ARHGEF18: variants seen among roughly 807,000 people sequenced by gnomAD.
The protein encoded by ARHGEF18 is rho guanine nucleotide exchange factor 18.
In ARHGEF18, 93 loss-of-function variants were observed where a neutral mutation model predicts 155.7. That is an observed-to-expected ratio of 0.60 (90% CI 0.50 to 0.71). ARHGEF18 has a LOEUF of 0.71. ARHGEF18 is among the 30% of genes least tolerant of loss of function. ARHGEF18 has a pLI of 0.00. For missense variants in ARHGEF18, 1,593 were observed against 1,816.1 expected (o/e 0.88, Z 2.23); for synonymous variants, 742 against 753.1 (o/e 0.99, Z 0.24).
chr19:7,361,495 C>G (rs541260744), intron 1 of ARHGEF18, among the ~76,000 whole-genome samples: 1 of 152,154 alleles, frequency 6.6e-6, no homozygotes, highest in South Asian at 2.1e-4. Flanking sequence ...TTAGCATGTA[C>G]TCCAGCAATT....
Position 7,375,737 on chromosome 19 carries a change from C to CA in ARHGEF18, c.294dup (p.Ala99SerfsTer4), listed in dbSNP as rs1433105422. On this transcript the variant is annotated frameshift_variant, in exon 4 of 29. Coordinates refer to ENST00000668164, the MANE Select transcript of ARHGEF18 (RefSeq NM_001367823.1). LOFTEE classifies it high-confidence loss of function. The stretch of plus-strand genomic sequence containing the variant: ...TCCACTAGGCTCAGCCTCGATGCCT[C>CA]AGCTGTGGATGAGGAACCCTGTCTC... The CA allele has an allele frequency of 9.7e-6, 12 of 1,234,456 alleles. No homozygotes were observed. In the East Asian group the frequency reaches 3.8e-4, roughly 39 times the overall value. 76.5% of individuals were successfully genotyped at this position (1,234,456 alleles called of 1,614,324 possible). A position where few individuals can be genotyped will look rare whatever the true frequency, so the allele number is the denominator to read the frequency against.
intron 1 of ARHGEF18, among the ~76,000 whole-genome samples, chr19:7,356,544 G>C (rs60303381): frequency 0.02 from 2,996 of 152,190 alleles, 82 homozygotes; most frequent in African/African-American, 0.067. Context: ...AAAGTGCTGG[G>C]ATTATAGGTG....
At chr19:7,390,508 C>CA (rs371143469) in intron 10 of ARHGEF18, 29,064 of 93,340 alleles carry the variant, frequency 0.31, 3,673 homozygotes, top group Non-Finnish European at 0.38. Context: ...GACTCTGTAT[C>CA]AAAAAAAAAA....
At chr19:7,352,186 C>T (rs925990010) in intron 1 of ARHGEF18, among the ~76,000 whole-genome samples, 6 of 151,372 alleles carry the variant, frequency 4.0e-5, no homozygotes, top group African/African-American at 1.5e-4. Context: ...CTCCATAGAG[C>T]GTTTATTTTT....
rs116526927 is a variant in ARHGEF18, at chr19:7,373,068, G to A, written c.272G>A (p.Arg91Gln). Residue 91 changes from arginine (R) to glutamine (Q), a missense_variant, in exon 3 of 29, where the codon CGG (arginine) becomes CAG (glutamine). Arg to Gln is a conservative substitution (Grantham distance 43). Coordinates refer to ENST00000668164, the MANE Select transcript of ARHGEF18 (RefSeq NM_001367823.1). ...ERSRSCSESW[R>Q]RLSLDASAVD... ...TCGCGGAGCTGCTCAGAGAGCTGGC[G>A]GAGGTCAGTTCCCCACTGCTGCCTG... The A allele has an allele frequency of 2.5e-3, 3,052 of 1,234,492 alleles. 47 individuals carry two copies. The African/African-American group carries it at 0.037, about 15-fold the overall frequency. 76.5% of individuals were successfully genotyped at this position (1,234,492 alleles called of 1,614,324 possible).
At chr19:7,478,511 C>T in the ARHGEF18 span, 3 of 870,606 alleles carry the variant, frequency 3.4e-6, no homozygotes, top group Non-Finnish European at 5.4e-6. Context: ...CCTGCCCCCA[C>T]AGTCCCACAC....
intron 1 of ARHGEF18, among the ~76,000 whole-genome samples, chr19:7,350,349 G>C (rs965684403): frequency 6.6e-6 from 1 of 152,138 alleles, no homozygotes; most frequent in African/African-American, 2.4e-5. Flanking sequence ...TCCAAGGCCA[G>C]GTCACCTGCA....
At chr19:7,439,094 A>T (rs1218690635) in intron 10 of ARHGEF18, among the ~76,000 whole-genome samples, 1 of 151,658 alleles carries the variant, frequency 6.6e-6, no homozygotes, top group Non-Finnish European at 1.5e-5. Flanking sequence ...TTTCCTGGCC[A>T]GGCTGGTCTT....
intron 1 of ARHGEF18, among the ~76,000 whole-genome samples, chr19:7,350,761 GGGGTGGGTGT>G (rs1568256383): frequency 1.6e-5 from 1 of 63,610 alleles, no homozygotes; most frequent in Admixed American, 1.5e-4. Context: ...TGAGTTTTTT[GGGGTGGGTGT>G]GTGTGTGTGT....
intron 20 of ARHGEF18, among the ~76,000 whole-genome samples, chr19:7,460,566 C>G (rs1459453106): frequency 6.6e-6 from 1 of 152,014 alleles, no homozygotes; most frequent in Non-Finnish European, 1.5e-5. Context: ...ATGCCCCAAC[C>G]CTGGCAACAG....
Position 7,375,730 on chromosome 19 carries a change from G to A in ARHGEF18, c.286G>A (p.Asp96Asn), listed in dbSNP as rs565151773. The A allele has an allele frequency of 4.4e-5, 54 of 1,234,402 alleles. No homozygotes were observed. The highest frequency in any genetic ancestry group is 1.3e-4 in the Admixed American group (3 of 23,728). The allele number at this position is 1,234,402 out of a possible 1,614,324, so 76.5% of individuals were successfully genotyped here. A position where few individuals can be genotyped will look rare whatever the true frequency, so the allele number is the denominator to read the frequency against. The change falls in exon 4 of 29, where the codon GAT (aspartate) becomes AAT (asparagine). Residue 96 changes from aspartate to asparagine, a missense_variant. Asp to Asn is a conservative substitution (Grantham distance 23). Transcript: ENST00000668164. ...CSESWRRLSL[D>N]ASAVDEEPCL... ...TGTCTTCTCCACTAGGCTCAGCCTC[G>A]ATGCCTCAGCTGTGGATGAGGAACC...
At chr19:7,461,003 G>A (rs1277845362) in intron 20 of ARHGEF18, among the ~76,000 whole-genome samples, 1 of 151,824 alleles carries the variant, frequency 6.6e-6, no homozygotes, top group Non-Finnish European at 1.5e-5. Context: ...TGGCCAGGAT[G>A]GTCTCAATCT....
Position 7,466,817 on chromosome 19 carries a change from A to AAAAAAAGTT in ARHGEF18, c.2905-95_2905-94insGTTAAAAAA. 3 of 1,098,346 alleles carry AAAAAAAGTT rather than the reference A, an allele frequency of 2.7e-6. No individual in the cohort carries two copies. In the East Asian group the frequency reaches 7.4e-5, roughly 27 times the overall value. 68.0% of individuals were successfully genotyped at this position (1,098,346 alleles called of 1,614,324 possible). A position where few individuals can be genotyped will look rare whatever the true frequency, so the allele number is the denominator to read the frequency against. Reference sequence around the variant, plus strand: ...AGAATTCCGTCTCAAAAAAAAAAAAAAAAAAAAAAGTTAAAAAAAAAGAAG... The same window carrying AAAAAAAGTT: ...AGAATTCCGTCTCAAAAAAAAAAAAAAAAAAAGTTAAAAAAAAAGTTAAAAAAAAAGAAG... On this transcript the variant is annotated intron_variant, in intron 23 of 28. Transcript: ENST00000668164.
chr19:7,357,749 G>A lies in ARHGEF18; in HGVS notation c.-110-5032G>A, dbSNP rs184437325. Reference sequence around the variant, plus strand: ...AATAGGAATTTCCCGGGGAAAGGGTGGGATTGGACTTGGGGTGGCAAGTAA... The same window carrying A: ...AATAGGAATTTCCCGGGGAAAGGGTAGGATTGGACTTGGGGTGGCAAGTAA... On this transcript the variant is annotated intron_variant, in intron 1 of 28. Coordinates refer to ENST00000668164, the MANE Select transcript of ARHGEF18 (RefSeq NM_001367823.1). Among the ~76,000 whole-genome samples, 15 of 152,234 alleles carry A rather than the reference G, an allele frequency of 9.9e-5. No homozygotes were observed. The East Asian group carries it at 2.5e-3, about 25-fold the overall frequency.
intron 13 of ARHGEF18, among the ~76,000 whole-genome samples, 183 bp downstream of exon 13, chr19:7,442,235 CT>C (rs751764459): frequency 4.7e-5 from 7 of 149,066 alleles, no homozygotes; most frequent in African/African-American, 7.4e-5. Context: ...CTCTTTCTTT[CT>C]TTCTTTTTTT....
At chr19:7,474,906 T>G (rs1424092556), downstream of ARHGEF18, among the ~76,000 whole-genome samples, 5 of 152,096 alleles carry the variant, frequency 3.3e-5, no homozygotes, top group East Asian at 9.7e-4. Flanking sequence ...CCTGGGGGGC[T>G]TGGAGGCACC....
chr19:7,440,175 G>A lies in ARHGEF18; in HGVS notation c.968-169G>A, dbSNP rs1974539736. ...CGGCCGCCCCGAGCTGTCTTTTTAC[G>A]GCTCTTTCCCCAGGAAATGGAGCGA... On this transcript the variant is annotated intron_variant, in intron 10 of 28. Coordinates refer to ENST00000668164, the MANE Select transcript of ARHGEF18 (RefSeq NM_001367823.1). This position sits in a 1 kb window ranked among gnomAD's most constrained non-coding sequence, Gnocchi z 5.4. The A allele has an allele frequency of 6.4e-7, 1 of 1,551,432 alleles. No individual in the cohort carries two copies. Among genetic ancestry groups the A allele is most frequent in the East Asian group, 2.4e-5 (1 of 40,910 alleles).
At chr19:7,350,791 T>G (rs1460077062) in intron 1 of ARHGEF18, among the ~76,000 whole-genome samples, 1 of 150,322 alleles carries the variant, frequency 6.7e-6, no homozygotes, top group South Asian at 2.1e-4. Flanking sequence ...TGTGTGTGTG[T>G]GTGTGTGTGT....
chr19:7,378,578 A>G (rs966056690), intron 6 of ARHGEF18, 127 bp downstream of exon 6: 3 of 671,184 alleles, frequency 4.5e-6, no homozygotes, highest in Non-Finnish European at 6.3e-6. Context: ...ACACCATCCC[A>G]CTAGTCCCCC....
Sources: allele counts gnomAD v4.1 joint callset (sites outside exome capture counted in the v4.1 genomes callset), GRCh38; gene constraint gnomAD v4.1.1; non-coding constraint Gnocchi (gnomAD v3.1); transcripts MANE v1.5; gene names NCBI Gene and HGNC (gene_info 2026-07-23, HGNC 2026-07-21).